Variants in DSCAM observed in about 807,000 individuals in gnomAD.
DSCAM encodes the protein cell adhesion molecule DSCAM.
DSCAM carries 47 observed loss-of-function variants against 217.7 expected under a neutral mutation model. The observed-to-expected ratio is 0.22, with a 90% CI of 0.17 to 0.28. The LOEUF is 0.28. Among genes scored for constraint, DSCAM ranks in the 10% least tolerant of loss-of-function variants. The pLI, the probability that DSCAM is intolerant of heterozygous loss-of-function variation, is 1.00. For missense variants in DSCAM, 2,080 were observed against 2,618.3 expected (o/e 0.79, Z 4.49); for synonymous variants, 1,056 against 1,015.3 (o/e 1.04, Z -0.76).
intron 3 of DSCAM, among the ~76,000 whole-genome samples, chr21:40,560,064 A>G (rs1245396043): frequency 6.6e-6 from 1 of 152,150 alleles, no homozygotes; most frequent in East Asian, 1.9e-4. Context: ...AAGTGCTGGG[A>G]TTATAGGCTT....
chr21:40,420,096 C>T (rs923205397), intron 3 of DSCAM, among the ~76,000 whole-genome samples: 22 of 152,028 alleles, frequency 1.4e-4, no homozygotes, highest in African/African-American at 4.8e-4. Context: ...AACAGGATAC[C>T]AATTGTGATA....
intron 2 of DSCAM, among the ~76,000 whole-genome samples, chr21:40,698,804 A>G (rs1026445872): frequency 1.4e-4 from 20 of 143,954 alleles, no homozygotes; most frequent in Non-Finnish European, 2.8e-4. Context: ...CGGGAGGCAG[A>G]GGTTGCAGTG....
Position 40,354,848 on chromosome 21 carries a change from CAAAAAAAAAA to C in DSCAM, c.656-1115_656-1106del, listed in dbSNP as rs11314417. Among the ~76,000 whole-genome samples, 250 of 112,312 alleles carry C rather than the reference CAAAAAAAAAA, an allele frequency of 2.2e-3. 2 individuals are homozygous for C. The highest frequency in any genetic ancestry group is 5.0e-3 in the African/African-American group (124 of 25,048). 73.7% of individuals were successfully genotyped at this position (112,312 alleles called of 152,430 possible). On this transcript the variant is annotated intron_variant, in intron 4 of 32. Coordinates refer to ENST00000400454, the MANE Select transcript of DSCAM (RefSeq NM_001389.5). The stretch of plus-strand genomic sequence containing the variant: ...TGGGTGAAAGAGAGAAACTCTGTCT[CAAAAAAAAAA>C]AAAAAAAAAAAAAAAGAGCAACATA...
At chr21:40,582,375 G>A (rs150727164) in intron 3 of DSCAM, among the ~76,000 whole-genome samples, 302 of 152,074 alleles carry the variant, frequency 2.0e-3, no homozygotes, top group Non-Finnish European at 3.4e-3. Context: ...TCCAAAAATG[G>A]GACAAAATAT....
chr21:40,523,520 G>C (rs545409388), intron 3 of DSCAM, among the ~76,000 whole-genome samples: 265 of 152,288 alleles, frequency 1.7e-3, no homozygotes, highest in Non-Finnish European at 2.0e-3. Flanking sequence ...GCAGAGGGAG[G>C]AGAGCCCTGG....
At chr21:40,749,421 T>C (rs547062590) in intron 1 of DSCAM, among the ~76,000 whole-genome samples, 45 of 152,140 alleles carry the variant, frequency 3.0e-4, no homozygotes, top group African/African-American at 1.0e-3. Flanking sequence ...AAGATCTGAA[T>C]AGATATTTTT....
In DSCAM at chr21:40,346,395, C is replaced by G. The variant is rs554241528; in HGVS notation, c.1210+1275G>C. Among the ~76,000 whole-genome samples, 146 of 152,318 alleles carry G rather than the reference C, an allele frequency of 9.6e-4. 1 individual carries two copies. The South Asian group carries it at 0.012, about 12-fold the overall frequency. On this transcript the variant is annotated intron_variant, in intron 6 of 32. Transcript: ENST00000400454. ...ATTAGCTAAGGTTAAAAAAGAATGA[C>G]AGAAATATGGTCTTATAATCAAGAT...
At position 40,729,174 on chromosome 21, in the gene DSCAM, A is replaced by G. The variant is rs186773980; in HGVS notation, c.44-20403T>C. Among the ~76,000 whole-genome samples the G allele has an allele frequency of 7.9e-3, 1,208 of 152,270 alleles. 16 individuals carry two copies. The highest frequency in any genetic ancestry group is 7.1e-3 in the Non-Finnish European group (482 of 68,018). On this transcript the variant is annotated intron_variant, in intron 1 of 32. Transcript: ENST00000400454. The stretch of plus-strand genomic sequence containing the variant: ...TACAAAACCTTATTTTAATCCTCAA[A>G]CTACACCTCACAGGCTGCTATTGCT...
intron 3 of DSCAM, among the ~76,000 whole-genome samples, chr21:40,629,297 CA>C (rs1333295707): frequency 6.6e-6 from 1 of 152,126 alleles, no homozygotes; most frequent in East Asian, 1.9e-4. Flanking sequence ...CTAGAAAATT[CA>C]AAACCAAATT....
At chr21:40,530,673 A>G (rs80097315) in intron 3 of DSCAM, among the ~76,000 whole-genome samples, 2 of 152,150 alleles carry the variant, frequency 1.3e-5, no homozygotes, top group Non-Finnish European at 2.9e-5. Flanking sequence ...GACACTTCAG[A>G]ATCCACCTAT....
intron 9 of DSCAM, among the ~76,000 whole-genome samples, chr21:40,306,116 A>G (rs1435212487): frequency 1.4e-5 from 2 of 148,112 alleles, no homozygotes; most frequent in East Asian, 2.0e-4. Flanking sequence ...CTTTTATTTC[A>G]TTGAGCAGCG....
intron 16 of DSCAM, among the ~76,000 whole-genome samples, chr21:40,149,600 AC>A: frequency 6.8e-6 from 1 of 147,880 alleles, no homozygotes; most frequent in Admixed American, 6.7e-5. Flanking sequence ...TGTCACCACC[AC>A]CATCCATCGC....
chr21:40,241,479 T>TA (rs1376721907), intron 11 of DSCAM, among the ~76,000 whole-genome samples: 1 of 151,898 alleles, frequency 6.6e-6, no homozygotes, highest in Non-Finnish European at 1.5e-5. Flanking sequence ...TTAAAAAGTC[T>TA]AAAAAAAATA....
At chr21:40,388,432 G>A (rs375531707) in intron 3 of DSCAM, among the ~76,000 whole-genome samples, 5 of 152,240 alleles carry the variant, frequency 3.3e-5, no homozygotes, top group African/African-American at 9.6e-5. Flanking sequence ...GTAGGTCAGC[G>A]TGCTGTATTT....
At chr21:40,216,213 C>T (rs930499383) in intron 11 of DSCAM, among the ~76,000 whole-genome samples, 2 of 152,120 alleles carry the variant, frequency 1.3e-5, no homozygotes, top group Non-Finnish European at 2.9e-5. Flanking sequence ...GATCCTCCCA[C>T]CTCAGCCGTC....
chr21:40,834,558 G>GA (rs890306398), intron 1 of DSCAM, among the ~76,000 whole-genome samples: 7 of 151,698 alleles, frequency 4.6e-5, no homozygotes, highest in African/African-American at 1.7e-4. Flanking sequence ...GTGCACTTCA[G>GA]AAAAAAATAA....
intron 3 of DSCAM, among the ~76,000 whole-genome samples, chr21:40,622,028 C>CT (rs34001632): frequency 1.3e-5 from 2 of 151,976 alleles, no homozygotes; most frequent in Non-Finnish European, 2.9e-5. Flanking sequence ...AGGAAAACCA[C>CT]TTTTTACATC....
intron 11 of DSCAM, among the ~76,000 whole-genome samples, chr21:40,214,910 A>G (rs561582659): frequency 1.3e-5 from 2 of 152,168 alleles, no homozygotes; most frequent in Non-Finnish European, 2.9e-5. Flanking sequence ...ACCTGTACAC[A>G]TGTTTATCAC....
rs73902687 is a variant in DSCAM, at chr21:40,578,225, C to T, written c.508+114585G>A. On this transcript the variant is annotated intron_variant, in intron 3 of 32. Coordinates refer to ENST00000400454, the MANE Select transcript of DSCAM (RefSeq NM_001389.5). ...AACCCTTCTGTGAATAGCCCAGAGACACTCTTACACACCTTCAGAAAGGGA... is the reference window on the plus strand; with the variant it reads ...AACCCTTCTGTGAATAGCCCAGAGATACTCTTACACACCTTCAGAAAGGGA... Among the ~76,000 whole-genome samples the T allele has an allele frequency of 1.3e-3, 198 of 152,224 alleles. 1 individual carries two copies. Among genetic ancestry groups the T allele is most frequent in the African/African-American group, 4.2e-3 (175 of 41,534 alleles).
Sources: gnomAD v4.1 joint callset for allele counts (sites outside exome capture counted in the v4.1 genomes callset) on GRCh38, gnomAD v4.1.1 for gene constraint, MANE v1.5 for transcripts, NCBI Gene and HGNC (gene_info 2026-07-23, HGNC 2026-07-21) for gene names.